The following HMCN1 variants were observed in gnomAD, a reference collection of about 807,000 sequenced individuals.
HMCN1 encodes the protein hemicentin 1.
A neutral mutation model predicts 625.9 loss-of-function variants in HMCN1; 321 were observed. The observed-to-expected ratio is 0.51, with a 90% CI of 0.47 to 0.56. The LOEUF (loss-of-function observed/expected upper bound fraction) is 0.56. HMCN1 is among the 20% of genes least tolerant of loss of function. HMCN1 has a pLI of 0.00. For synonymous variants in HMCN1, 2,425 were observed against 2,417.6 expected (o/e 1.00, Z -0.09); for missense variants, 6,588 against 6,887.3 (o/e 0.96, Z 1.54).
At chr1:186,114,772 T>A (rs1434864743) in intron 73 of HMCN1, 47 bp from the exon 74 acceptor site, 2 of 1,611,108 alleles carry the variant, frequency 1.2e-6, no homozygotes, top group African/African-American at 1.3e-5. Context: ...ATATGAACAA[T>A]CAAAAAAGGC....
At chr1:186,090,016 C>T (rs1659749567) in intron 63 of HMCN1, among the ~76,000 whole-genome samples, 1 of 151,874 alleles carries the variant, frequency 6.6e-6, no homozygotes, top group Non-Finnish European at 1.5e-5. Flanking sequence ...AGATTTCAAC[C>T]TACCAAAGGG....
intron 4 of HMCN1, among the ~76,000 whole-genome samples, chr1:185,892,158 C>G (rs1337916302): frequency 6.7e-6 from 1 of 148,866 alleles, no homozygotes; most frequent in African/African-American, 2.6e-5. Flanking sequence ...GTTTTCAGCT[C>G]CATCAGCTCC....
chr1:185,735,120 TG>T, intron 1 of HMCN1, 73 bp downstream of exon 1: 3 of 1,499,334 alleles, frequency 2.0e-6, no homozygotes, highest in Non-Finnish European at 2.8e-6. Flanking sequence ...TGAATGAAAT[TG>T]TTTGTCAGGA....
At chr1:186,182,777 T>C (rs1184903534) in intron 105 of HMCN1, among the ~76,000 whole-genome samples, 2 of 152,210 alleles carry the variant, frequency 1.3e-5, no homozygotes, top group African/African-American at 2.4e-5. Flanking sequence ...GTGCTAGCAT[T>C]GCAGGATTTA....
rs143378423 is a variant in HMCN1 at position 186,093,162 on chromosome 1, A to G, written c.9916A>G (p.Ile3306Val). The G allele has an allele frequency of 3.1e-6, 5 of 1,613,354 alleles. No homozygotes were observed. Among genetic ancestry groups the G allele is most frequent in the South Asian group, 1.1e-5 (1 of 91,070 alleles). ...RVSANGSTLN[I>V]YGALTSDTGK... Reference sequence around the variant, plus strand: ...GAGTGCAAATGGCAGCACATTAAACATTTATGGAGCTCTTACATCTGACAC... The same window carrying G: ...GAGTGCAAATGGCAGCACATTAAACGTTTATGGAGCTCTTACATCTGACAC... The change falls in exon 65 of 107, where the codon ATT becomes GTT. Residue 3306 changes from isoleucine to valine, a missense_variant. This residue lies in a region of HMCN1 where 4,628 missense variants were observed against 4,853.1 expected (regional missense o/e 0.95). Transcript: ENST00000271588.
chr1:185,885,024 T>C (rs6679893), intron 4 of HMCN1, among the ~76,000 whole-genome samples: 9,653 of 151,762 alleles, frequency 0.064, 1,079 homozygotes, highest in African/African-American at 0.22. Flanking sequence ...AAAGAAAAAT[T>C]ACATTAATAT....
chr1:185,962,880 T>G (rs917950289), intron 12 of HMCN1, among the ~76,000 whole-genome samples: 5 of 152,158 alleles, frequency 3.3e-5, no homozygotes, highest in Admixed American at 6.6e-5. Flanking sequence ...TGGGACCAAG[T>G]GCTTCCCAGT....
chr1:186,123,408 A>G (rs6698064), intron 81 of HMCN1, among the ~76,000 whole-genome samples, 188 bp downstream of exon 81: 73,604 of 151,970 alleles, frequency 0.48, 19,692 homozygotes, highest in African/African-American at 0.7. Flanking sequence ...GTGTTTGTGC[A>G]CATAGGTGTG....
rs529681264 is a variant in HMCN1, at chr1:185,745,855, G to C, written c.268+10808G>C. Among the ~76,000 whole-genome samples, 5 of 152,260 alleles carry C rather than the reference G, an allele frequency of 3.3e-5. No homozygotes were observed. The South Asian group carries it at 1.0e-3, about 32-fold the overall frequency. On this transcript the variant is annotated intron_variant, in intron 1 of 106. Transcript: ENST00000271588. ...CAACTGAAGCCATCGGAATAAATGAGATCATCCAAGGAGAGAGTGCAGACT... is the reference window on the plus strand; with the variant it reads ...CAACTGAAGCCATCGGAATAAATGACATCATCCAAGGAGAGAGTGCAGACT...
chr1:186,186,681 T>C (rs1342348920), intron 105 of HMCN1, among the ~76,000 whole-genome samples: 1 of 152,058 alleles, frequency 6.6e-6, no homozygotes, highest in African/African-American at 2.4e-5. Flanking sequence ...AATCAGAAGG[T>C]TGGAAACAGG....
chr1:185,802,709 T>C (rs1557980915), intron 1 of HMCN1, among the ~76,000 whole-genome samples: 2 of 152,126 alleles, frequency 1.3e-5, no homozygotes, highest in Non-Finnish European at 2.9e-5. Flanking sequence ...GTCATAAAGG[T>C]AATTGACTTG....
At position 186,081,406 on chromosome 1, in the gene HMCN1, G is replaced by T. The variant is rs1158079125; in HGVS notation, c.8787+12G>T. On this transcript the variant is annotated intron_variant, in intron 56 of 106. Transcript: ENST00000271588. Reference sequence around the variant, plus strand: ...GACGAATTCTGCAGGTAAAAGTAAAGAAAGATCTAATTTTAAAAGAGCTAT... The same window carrying T: ...GACGAATTCTGCAGGTAAAAGTAAATAAAGATCTAATTTTAAAAGAGCTAT... The T allele has an allele frequency of 6.3e-7, 1 of 1,589,230 alleles. No individual in the cohort carries two copies. Among genetic ancestry groups the T allele is most frequent in the Non-Finnish European group, 8.6e-7 (1 of 1,158,040 alleles).
At chr1:186,055,785 T>C in intron 45 of HMCN1, 111 bp downstream of exon 45, 1 of 1,054,518 alleles carries the variant, frequency 9.5e-7, no homozygotes, top group Non-Finnish European at 1.5e-6. Flanking sequence ...AACCCATCAT[T>C]TTAAACATAT....
At chr1:186,100,776 A>G (rs1660348599) in intron 68 of HMCN1, among the ~76,000 whole-genome samples, 1 of 152,156 alleles carries the variant, frequency 6.6e-6, no homozygotes, top group African/African-American at 2.4e-5. Context: ...GGCTGGAGGT[A>G]GGCAGTTGTT....
chr1:186,152,906 TTAGAG>T, intron 96 of HMCN1, 35 bp downstream of exon 96: 8 of 1,612,032 alleles, frequency 5.0e-6, no homozygotes, highest in South Asian at 1.1e-5. Context: ...TTGCTGCTTA[TTAGAG>T]TAATGATGAG....
intron 41 of HMCN1, among the ~76,000 whole-genome samples, chr1:186,046,306 T>C (rs1656568471): frequency 6.6e-6 from 1 of 151,976 alleles, no homozygotes; most frequent in Non-Finnish European, 1.5e-5. Flanking sequence ...CTGTCTCTAC[T>C]AAAAACACAA....
chr1:186,072,918 A>G (rs1033520210), intron 52 of HMCN1, among the ~76,000 whole-genome samples: 1 of 152,218 alleles, frequency 6.6e-6, no homozygotes. Context: ...TAAGGTTTTA[A>G]GCAGATTGCA....
chr1:186,187,385 A>G (rs1653401746), intron 105 of HMCN1, among the ~76,000 whole-genome samples: 1 of 152,102 alleles, frequency 6.6e-6, no homozygotes, highest in African/African-American at 2.4e-5. Flanking sequence ...CTGAATTCAT[A>G]ACTTGACTCC....
intron 106 of HMCN1, 79 bp from the exon 107 acceptor site, chr1:186,189,433 C>T: frequency 3.9e-6 from 6 of 1,542,430 alleles, no homozygotes; most frequent in Non-Finnish European, 5.3e-6. Context: ...TAAAAGTTGT[C>T]ATGGATCATG....
Sources: allele counts gnomAD v4.1 joint callset (sites outside exome capture counted in the v4.1 genomes callset), GRCh38; gene constraint gnomAD v4.1.1; regional missense constraint gnomAD v4.1.1; transcripts MANE v1.5; gene names NCBI Gene and HGNC (gene_info 2026-07-23, HGNC 2026-07-21).